ZMYND11: variants seen among roughly 807,000 people sequenced by gnomAD.
ZMYND11 encodes zinc finger MYND domain-containing protein 11.
ZMYND11 carries 9 observed loss-of-function variants against 84.9 expected under a neutral mutation model. The observed-to-expected ratio is 0.11, with a 90% CI of 0.06 to 0.18. The LOEUF (loss-of-function observed/expected upper bound fraction) is 0.18, where lower values mean the gene tolerates loss of function less well. Among genes scored for constraint, ZMYND11 ranks in the 10% least tolerant of loss-of-function variants. ZMYND11 has a pLI of 1.00. For missense variants in ZMYND11, 409 were observed against 761.0 expected, an observed-to-expected ratio of 0.54 and a Z score of 5.44; for synonymous variants, 250 against 244.1, an observed-to-expected ratio of 1.02 and a Z score of -0.23.
intron 12 of ZMYND11, among the ~76,000 whole-genome samples, chr10:248,082 AAATGAAG>A (rs1952547930): frequency 6.6e-6 from 1 of 152,258 alleles, no homozygotes; most frequent in Non-Finnish European, 1.5e-5. Flanking sequence ...GTAAAATTAT[AAATGAAG>A]CTTATGTTTA....
intron 14 of ZMYND11, 24 bp downstream of exon 14, chr10:249,112 C>T (rs1952799589): frequency 6.2e-7 from 1 of 1,613,518 alleles, no homozygotes; most frequent in African/African-American, 1.3e-5. Context: ...TTTTTTAGAC[C>T]CTTATTTCTG....
At chr10:233,497 T>C (rs989216027) in intron 4 of ZMYND11, among the ~76,000 whole-genome samples, 9 of 152,226 alleles carry the variant, frequency 5.9e-5, no homozygotes, top group African/African-American at 2.2e-4. Context: ...TAATAAACAC[T>C]TAAGTAGGAT....
Position 161,753 on chromosome 10 carries a change from C to T in ZMYND11, c.-19-18241C>T, listed in dbSNP as rs1310018066. On this transcript the variant is annotated intron_variant, in intron 1 of 14. Coordinates refer to ENST00000381604, the MANE Select transcript of ZMYND11 (RefSeq NM_001370100.5). Reference sequence around the variant, plus strand: ...TCTGCAGCTTCCTCACGTCTCTCAGCCTTCATAGAACCGAAGAGAGTTAGG... The same window carrying T: ...TCTGCAGCTTCCTCACGTCTCTCAGTCTTCATAGAACCGAAGAGAGTTAGG... 2.6e-5 allele frequency among the ~76,000 whole-genome samples: 4 copies of T among 152,170 alleles called. No individual in the cohort carries two copies. In the South Asian group the frequency reaches 6.2e-4, roughly 24 times the overall value.
At chr10:163,235 A>G (rs998481585) in intron 1 of ZMYND11, among the ~76,000 whole-genome samples, 14 of 151,868 alleles carry the variant, frequency 9.2e-5, no homozygotes, top group Non-Finnish European at 1.8e-4. Context: ...TCACCCCCCC[A>G]CTACCTGGGA....
chr10:157,252 T>G (rs1214201189), intron 1 of ZMYND11, among the ~76,000 whole-genome samples: 1 of 152,214 alleles, frequency 6.6e-6, no homozygotes, highest in Non-Finnish European at 1.5e-5. Flanking sequence ...CAGGCTGGAA[T>G]GCAGTGGTGC....
chr10:233,323 G>GA (rs914942184), intron 4 of ZMYND11, among the ~76,000 whole-genome samples: 6 of 152,168 alleles, frequency 3.9e-5, no homozygotes, highest in African/African-American at 4.8e-5. Context: ...AAGCTACGGG[G>GA]AAGCTCGCTC....
At chr10:190,065 T>C (rs1364626547) in intron 2 of ZMYND11, among the ~76,000 whole-genome samples, 1 of 152,178 alleles carries the variant, frequency 6.6e-6, no homozygotes, top group African/African-American at 2.4e-5. Context: ...ATTTTTATCC[T>C]GTAGCGAGAG....
chr10:232,407 CAA>C (rs769764543), intron 4 of ZMYND11, among the ~76,000 whole-genome samples: 5 of 152,226 alleles, frequency 3.3e-5, no homozygotes, highest in Admixed American at 6.5e-5. Context: ...AGAAAACCCT[CAA>C]GTTTTTCAAA....
In ZMYND11 at chr10:239,999, TTTGAGTC is replaced by T. The variant is rs1950601869; in HGVS notation, c.698-53_698-47del. On this transcript the variant is annotated intron_variant, in intron 7 of 14. Transcript: ENST00000381604. Reference sequence around the variant, plus strand: ...CAAACTGAAAGAAAAGGATAGTAACTTTGAGTCTTGTATTTGCAGACTATTGCTTATA... The same window carrying T: ...CAAACTGAAAGAAAAGGATAGTAACTTTGTATTTGCAGACTATTGCTTATA... The T allele has an allele frequency of 6.2e-6, 9 of 1,453,498 alleles. No homozygotes were observed. In the South Asian group the frequency reaches 1.1e-4, roughly 18 times the overall value. The allele number at this position is 1,453,498 out of a possible 1,614,324, so 90.0% of individuals were successfully genotyped here.
At chr10:233,156 G>A (rs996766009) in intron 4 of ZMYND11, among the ~76,000 whole-genome samples, 3 of 152,172 alleles carry the variant, frequency 2.0e-5, no homozygotes, top group Non-Finnish European at 1.5e-5. Context: ...ACCCCATCCC[G>A]CAGCCGATTG....
chr10:219,830 G>A (rs1013797219), intron 3 of ZMYND11, among the ~76,000 whole-genome samples: 1 of 152,116 alleles, frequency 6.6e-6, no homozygotes, highest in Non-Finnish European at 1.5e-5. Flanking sequence ...ACTAAAAATG[G>A]TCATTGTCTT....
intron 1 of ZMYND11, among the ~76,000 whole-genome samples, chr10:149,285 GTTATTATTATTA>G (rs61508487): frequency 1.1e-4 from 16 of 139,294 alleles, no homozygotes; most frequent in Admixed American, 3.6e-4. Flanking sequence ...TGAGGTGGTT[GTTATTATTATTA>G]TTATTATTAT....
chr10:150,433 G>A (rs1840048909), intron 1 of ZMYND11, among the ~76,000 whole-genome samples: 1 of 152,158 alleles, frequency 6.6e-6, no homozygotes, highest in Admixed American at 6.5e-5. Context: ...ATGGTAGTTT[G>A]TATTTCTGTG....
At chr10:146,881 C>T (rs1554755465) in intron 1 of ZMYND11, among the ~76,000 whole-genome samples, 1 of 152,260 alleles carries the variant, frequency 6.6e-6, no homozygotes, top group Non-Finnish European at 1.5e-5. Flanking sequence ...GTTCTCCTGC[C>T]TGCCAGCATG....
chr10:182,986 G>C (rs1285506664), intron 2 of ZMYND11, among the ~76,000 whole-genome samples: 1 of 152,058 alleles, frequency 6.6e-6, no homozygotes, highest in African/African-American at 2.4e-5. Context: ...GGCTGTAGTA[G>C]GGTTACTGTC....
At chr10:190,286 A>T (rs1394179278) in intron 2 of ZMYND11, among the ~76,000 whole-genome samples, 1 of 152,084 alleles carries the variant, frequency 6.6e-6, no homozygotes, top group Non-Finnish European at 1.5e-5. Flanking sequence ...CTTTTCAACA[A>T]CATCATCAGA....
In ZMYND11 at chr10:251,061, A is replaced by T. The variant is rs765320615; in HGVS notation, c.1687-1287A>T. On this transcript the variant is annotated intron_variant, in intron 14 of 14. Coordinates refer to ENST00000381604, the MANE Select transcript of ZMYND11 (RefSeq NM_001370100.5). ...TTCTTTCTTCCCAATTACATCTTACATTGTTGTAAGAAATAGAGTAGTATT... is the reference window on the plus strand; with the variant it reads ...TTCTTTCTTCCCAATTACATCTTACTTTGTTGTAAGAAATAGAGTAGTATT... Among the ~76,000 whole-genome samples the T allele has an allele frequency of 3.7e-4, 56 of 152,200 alleles. 1 individual carries two copies. The highest frequency in any genetic ancestry group is 2.7e-3 in the Admixed American group (42 of 15,290).
At chr10:218,481 G>A (rs1456139248) in intron 3 of ZMYND11, 1 of 392,544 alleles carries the variant, frequency 2.5e-6, no homozygotes, top group Non-Finnish European at 5.1e-6. Flanking sequence ...CTTTCTCCAG[G>A]ACAGCAGCCC....
intron 2 of ZMYND11, among the ~76,000 whole-genome samples, chr10:203,772 C>T (rs1382613835): frequency 6.6e-6 from 1 of 152,126 alleles, no homozygotes; most frequent in East Asian, 1.9e-4. Flanking sequence ...TTCTCCCATC[C>T]CTTGTTCCCT....
Sources: allele counts gnomAD v4.1 joint callset (sites outside exome capture counted in the v4.1 genomes callset), GRCh38; gene constraint gnomAD v4.1.1; transcripts MANE v1.5; gene names NCBI Gene and HGNC (gene_info 2026-07-23, HGNC 2026-07-21).